PLG: variants seen among roughly 807,000 people sequenced by gnomAD.
PLG encodes plasmin.
In PLG, 41 loss-of-function variants were observed where a neutral mutation model predicts 104.4. That is an observed-to-expected ratio of 0.39 (90% confidence interval 0.31 to 0.51). The LOEUF is 0.51. Ranked by LOEUF, PLG falls within the 20% of genes least tolerant of loss-of-function variation. The probability of loss-of-function intolerance (pLI) is 0.76; values close to 1 mark genes in which losing one functional copy is unlikely to be tolerated. For missense variants in PLG, 891 were observed against 1,003.6 expected (o/e 0.89, Z 1.52); for synonymous variants, 337 against 357.1 (o/e 0.94, Z 0.63).
intron 1 of PLG, among the ~76,000 whole-genome samples, chr6:160,703,829 C>A (rs917677920): frequency 2.0e-5 from 3 of 152,216 alleles, no homozygotes; most frequent in Non-Finnish European, 4.4e-5. Flanking sequence ...ACAGGATTAA[C>A]ATATGTTTTA....
chr6:160,718,198 G>A, intron 7 of PLG, 96 bp from the exon 8 acceptor site: 1 of 1,039,928 alleles, frequency 9.6e-7, no homozygotes, highest in Non-Finnish European at 1.5e-6. Flanking sequence ...GTTGCAGTGA[G>A]CTGAGATCGT....
chr6:160,743,011 CT>C (rs3028193), intron 17 of PLG, among the ~76,000 whole-genome samples: 19,378 of 140,356 alleles, frequency 0.14, 1,419 homozygotes, highest in Middle Eastern at 0.22. Context: ...GTCTACGTGT[CT>C]TTTTTTTTTT....
Position 160,720,065 on chromosome 6 carries a change from T to C in PLG, c.1096+1227T>C, listed in dbSNP as rs1438084482. Among the ~76,000 whole-genome samples, 3 of 152,328 alleles carry C rather than the reference T, an allele frequency of 2.0e-5. No individual in the cohort carries two copies. The East Asian group carries it at 5.8e-4, about 29-fold the overall frequency. ...ACAGGTCTGCTACTGCTGAAGTCTTTCAGATTTTGAGTGTCTGAAAAAGTA... is the reference window on the plus strand; with the variant it reads ...ACAGGTCTGCTACTGCTGAAGTCTTCCAGATTTTGAGTGTCTGAAAAAGTA... On this transcript the variant is annotated intron_variant, in intron 9 of 18. Transcript: ENST00000308192.
chr6:160,740,679 C>G lies in PLG; in HGVS notation c.2019-632C>G, dbSNP rs1236687672. The stretch of plus-strand genomic sequence containing the variant: ...TGAACTTACTAAAGTAGAATCAGGT[C>G]TAAAAACCGGAGTTCTAATGTTTGA... On this transcript the variant is annotated intron_variant, in intron 16 of 18. Transcript: ENST00000308192. This position sits in a 1 kb window ranked among gnomAD's most constrained non-coding sequence, Gnocchi z 5.2. 1.3e-5 allele frequency among the ~76,000 whole-genome samples: 2 copies of G among 152,180 alleles called. No homozygotes were observed. Among genetic ancestry groups the G allele is most frequent in the African/African-American group, 4.8e-5 (2 of 41,430 alleles).
chr6:160,734,706 T>C lies in PLG; in HGVS notation c.1681+618T>C, dbSNP rs1390761272. 1.3e-5 allele frequency among the ~76,000 whole-genome samples: 2 copies of C among 149,856 alleles called. No homozygotes were observed. The highest frequency in any genetic ancestry group is 3.0e-5 in the Non-Finnish European group (2 of 67,754). On this transcript the variant is annotated intron_variant, in intron 13 of 18. Coordinates refer to ENST00000308192, the MANE Select transcript of PLG (RefSeq NM_000301.5). The surrounding 1 kb of genome is among the most constrained non-coding windows in gnomAD (Gnocchi z 4.4). The stretch of plus-strand genomic sequence containing the variant: ...TCAGGGGAAGGGGAGTTGACATTAG[T>C]TCTTAAAGAATTGGAATAACAAATC...
rs981942010 is a variant in PLG, at chr6:160,726,397, A to C, written c.1256+3830A>C. Among the ~76,000 whole-genome samples, 8 of 152,100 alleles carry C rather than the reference A, an allele frequency of 5.3e-5. No homozygotes were observed. The highest frequency in any genetic ancestry group is 1.9e-4 in the African/African-American group (8 of 41,456). On this transcript the variant is annotated intron_variant, in intron 10 of 18. Transcript: ENST00000308192. The surrounding 1 kb of genome is among the most constrained non-coding windows in gnomAD (Gnocchi z 4.4). ...TTGAACTGAATAATAGTAAAAATAC[A>C]ACATATCAAAGTTCGTATGATGCAG...
rs1437676656 is a variant in PLG at position 160,738,400 on chromosome 6, G to C, written c.1803-138G>C. On this transcript the variant is annotated intron_variant, in intron 14 of 18. Coordinates refer to ENST00000308192, the MANE Select transcript of PLG (RefSeq NM_000301.5). This position sits in a 1 kb window ranked among gnomAD's most constrained non-coding sequence, Gnocchi z 6.8. ...CACTGGCCAAAATTACTACCATCCT[G>C]ATGCTGGGCTTGCAGTCCTTTCCTT... 1 of 711,386 alleles carries C rather than the reference G, an allele frequency of 1.4e-6. No homozygotes were observed. The highest frequency in any genetic ancestry group is 2.7e-5 in the East Asian group (1 of 36,914). The allele number at this position is 711,386 out of a possible 1,614,324, so 44.1% of individuals were successfully genotyped here.
At chr6:160,707,321 G>A (rs1300982049) in intron 2 of PLG, among the ~76,000 whole-genome samples, 1 of 152,186 alleles carries the variant, frequency 6.6e-6, no homozygotes, top group Non-Finnish European at 1.5e-5. Context: ...CAGAGGTTCA[G>A]GGGAACTGAT....
rs542155269 is a variant in PLG, at chr6:160,739,420, A to C, written c.2018+212A>C. 9.2e-5 allele frequency among the ~76,000 whole-genome samples: 14 copies of C among 152,186 alleles called. No homozygotes were observed. Among genetic ancestry groups the C allele is most frequent in the Non-Finnish European group, 1.9e-4 (13 of 68,040 alleles). On this transcript the variant is annotated intron_variant, in intron 16 of 18. Coordinates refer to ENST00000308192, the MANE Select transcript of PLG (RefSeq NM_000301.5). This position sits in a 1 kb window ranked among gnomAD's most constrained non-coding sequence, Gnocchi z 4.4. ...AAAGGCAGCAGGACTCCGTTTTCTC[A>C]TGTGGAAAAAGAGTTGAAATGAGGT...
At position 160,714,835 on chromosome 6, in the gene PLG, A is replaced by G. The variant is rs1562373654; in HGVS notation, c.589A>G (p.Ile197Val). 1.2e-6 allele frequency: 2 copies of G among 1,613,594 alleles called. No individual in the cohort carries two copies. Among genetic ancestry groups the G allele is most frequent in the African/African-American group, 1.3e-5 (1 of 74,892 alleles). The stretch of plus-strand genomic sequence containing the variant: ...CAGTGGAGAAAACTATGACGGCAAA[A>G]TTTCCAAGACCATGTCTGGACTGGA... ...HCSGENYDGK[I>V]SKTMSGLECQ... The change falls in exon 6 of 19, where the codon ATT becomes GTT. Residue 197 changes from isoleucine to valine, a missense_variant. This residue lies in a region of PLG where 854 missense variants were observed against 932.1 expected (regional missense o/e 0.92). Transcript: ENST00000308192.
rs374538238 is a variant in PLG, at chr6:160,743,424, G to A, written c.2125+2007G>A. 1.2e-4 allele frequency among the ~76,000 whole-genome samples: 19 copies of A among 152,252 alleles called. No individual in the cohort carries two copies. The South Asian group carries it at 3.7e-3, about 30-fold the overall frequency. ...ATATTTTATTCTTTTTGTGGCATTT[G>A]TGAATGGGACTGTGTTCCTGATTTG... On this transcript the variant is annotated intron_variant, in intron 17 of 18. Coordinates refer to ENST00000308192, the MANE Select transcript of PLG (RefSeq NM_000301.5).
chr6:160,703,264 TC>T (rs979646864), intron 1 of PLG, among the ~76,000 whole-genome samples: 1 of 110,396 alleles, frequency 9.1e-6, no homozygotes, highest in Non-Finnish European at 2.1e-5. Context: ...TACTTCTTTT[TC>T]TTTAAAAAAA....
chr6:160,733,882 A>T, intron 12 of PLG, 113 bp from the exon 13 acceptor site: 1 of 617,638 alleles, frequency 1.6e-6, no homozygotes. Flanking sequence ...GGAAGGAAAA[A>T]GAAACACTCC....
intron 9 of PLG, among the ~76,000 whole-genome samples, chr6:160,720,045 T>A (rs184413511): frequency 7.2e-5 from 11 of 152,354 alleles, no homozygotes; most frequent in African/African-American, 2.6e-4. Context: ...GTAGCACAGG[T>A]CTGCTACTGC....
At chr6:160,748,410 A>AAG (rs1483587643) in intron 17 of PLG, among the ~76,000 whole-genome samples, 2 of 78,558 alleles carry the variant, frequency 2.5e-5, no homozygotes, top group African/African-American at 9.5e-5. Flanking sequence ...GGAAGAAAGA[A>AAG]AGAAAGGGAA....
At position 160,735,763 on chromosome 6, in the gene PLG, G is replaced by A. The variant is rs866202856; in HGVS notation, c.1682-1124G>A. Among the ~76,000 whole-genome samples, 1 of 152,158 alleles carries A rather than the reference G, an allele frequency of 6.6e-6. No individual in the cohort carries two copies. The highest frequency in any genetic ancestry group is 6.5e-5 in the Admixed American group (1 of 15,268). ...ACATTCAGTTTTGTTTTGAATAGTA[G>A]GAGCAGGGTACCATCATTTCTGTAG... On this transcript the variant is annotated intron_variant, in intron 13 of 18. Transcript: ENST00000308192. The surrounding 1 kb of genome is among the most constrained non-coding windows in gnomAD (Gnocchi z 5.4).
Position 160,726,455 on chromosome 6 carries a change from C to T in PLG, c.1256+3888C>T, listed in dbSNP as rs946407518. 6.6e-6 allele frequency among the ~76,000 whole-genome samples: 1 copy of T among 152,060 alleles called. No individual in the cohort carries two copies. Among genetic ancestry groups the T allele is most frequent in the Admixed American group, 6.5e-5 (1 of 15,286 alleles). On this transcript the variant is annotated intron_variant, in intron 10 of 18. Coordinates refer to ENST00000308192, the MANE Select transcript of PLG (RefSeq NM_000301.5). This position sits in a 1 kb window ranked among gnomAD's most constrained non-coding sequence, Gnocchi z 4.4. ...TTTTAGGGTTTTATAACTTTAAATG[C>T]TTTCAGTAGAAAATAGAAACATGTA... is the stretch of plus-strand genomic sequence containing the variant.
chr6:160,738,992 G>A lies in PLG; in HGVS notation c.1878-76G>A. The A allele has an allele frequency of 6.4e-7, 1 of 1,571,022 alleles. No individual in the cohort carries two copies. The highest frequency in any genetic ancestry group is 2.2e-5 in the East Asian group (1 of 44,632). On this transcript the variant is annotated intron_variant, in intron 15 of 18. Transcript: ENST00000308192. This position sits in a 1 kb window ranked among gnomAD's most constrained non-coding sequence, Gnocchi z 6.8. ...AGTGGCCAAGGGTGTCAGGGAGACA[G>A]CACCAATTTCATGGCACAGAGGTTA...
In PLG at chr6:160,723,413, A is replaced by C. The variant is rs1182620084; in HGVS notation, c.1256+846A>C. The stretch of plus-strand genomic sequence containing the variant: ...CATATTGGAGAACAGATAAACTGAG[A>C]TAATTTAGAAAGGGAATCAAATGAG... On this transcript the variant is annotated intron_variant, in intron 10 of 18. Coordinates refer to ENST00000308192, the MANE Select transcript of PLG (RefSeq NM_000301.5). This position sits in a 1 kb window ranked among gnomAD's most constrained non-coding sequence, Gnocchi z 4.7. Among the ~76,000 whole-genome samples, 1 of 152,194 alleles carries C rather than the reference A, an allele frequency of 6.6e-6. No individual in the cohort carries two copies. The highest frequency in any genetic ancestry group is 1.5e-5 in the Non-Finnish European group (1 of 68,024).
Sources: allele counts gnomAD v4.1 joint callset (sites outside exome capture counted in the v4.1 genomes callset), GRCh38; gene constraint gnomAD v4.1.1; regional missense constraint gnomAD v4.1.1; non-coding constraint Gnocchi (gnomAD v3.1); transcripts MANE v1.5; gene names NCBI Gene and HGNC (gene_info 2026-07-23, HGNC 2026-07-21).